Variants in GPM6A observed in about 807,000 individuals in gnomAD.
The protein encoded by GPM6A is glycoprotein M6A.
GPM6A carries 7 observed loss-of-function variants against 32.1 expected under a neutral mutation model. The observed-to-expected ratio is 0.22, with a 90% CI of 0.12 to 0.41. The LOEUF (loss-of-function observed/expected upper bound fraction) is 0.41. Ranked by LOEUF, GPM6A falls within the 10% of genes least tolerant of loss-of-function variation. The probability of loss-of-function intolerance (pLI) is 1.00; values close to 1 mark genes in which losing one functional copy is unlikely to be tolerated. For missense variants in GPM6A, 235 were observed against 347.2 expected (o/e 0.68, Z 2.57); for synonymous variants, 130 against 123.4 (o/e 1.05, Z -0.35).
At chr4:175,641,211 G>A (rs1473652800) in intron 4 of GPM6A, 5 of 186,050 alleles carry the variant, frequency 2.7e-5, no homozygotes, top group Non-Finnish European at 3.3e-5. Context: ...TTCAGCTGGT[G>A]CAGTGCTTCT....
At chr4:175,846,102 A>G (rs1736079266) in intron 1 of GPM6A, among the ~76,000 whole-genome samples, 1 of 152,086 alleles carries the variant, frequency 6.6e-6, no homozygotes, top group African/African-American at 2.4e-5. Context: ...ATGTGTCGTA[A>G]CATCGTGTCT....
chr4:175,635,674 C>T (rs895046525), intron 6 of GPM6A, among the ~76,000 whole-genome samples: 2 of 152,018 alleles, frequency 1.3e-5, no homozygotes, highest in African/African-American at 2.4e-5. Flanking sequence ...AAAGGAAGCT[C>T]CTGGTTTGTC....
intron 2 of GPM6A, among the ~76,000 whole-genome samples, chr4:175,674,323 A>G (rs1374341030): frequency 6.6e-6 from 1 of 152,088 alleles, no homozygotes; most frequent in African/African-American, 2.4e-5. Flanking sequence ...GATTACAGGC[A>G]TGTGTCACCA....
intron 1 of GPM6A, among the ~76,000 whole-genome samples, chr4:175,799,704 G>A (rs895051230): frequency 8.4e-5 from 9 of 106,774 alleles, no homozygotes; most frequent in African/African-American, 2.1e-4. Context: ...GTCTCGCTCT[G>A]TCGCCCAGGC....
chr4:175,753,590 C>T (rs1476208439), intron 1 of GPM6A, among the ~76,000 whole-genome samples: 1 of 152,114 alleles, frequency 6.6e-6, no homozygotes, highest in African/African-American at 2.4e-5. Context: ...ACCCTCCCTT[C>T]ACTACATGGG....
At chr4:175,986,935 C>G (rs563813342) in intron 1 of GPM6A, among the ~76,000 whole-genome samples, 2 of 152,286 alleles carry the variant, frequency 1.3e-5, no homozygotes, top group East Asian at 3.9e-4. Flanking sequence ...CATACTACTC[C>G]TCTGGCTAGA....
chr4:175,642,371 G>A (rs1387053833), intron 4 of GPM6A, among the ~76,000 whole-genome samples: 1 of 152,092 alleles, frequency 6.6e-6, no homozygotes, highest in African/African-American at 2.4e-5. Flanking sequence ...CTCAATTCAT[G>A]TTTTCAGCAA....
chr4:175,795,035 T>C (rs1381773002), intron 1 of GPM6A, among the ~76,000 whole-genome samples: 1 of 152,190 alleles, frequency 6.6e-6, no homozygotes, highest in Non-Finnish European at 1.5e-5. Flanking sequence ...AAATAGTCGA[T>C]TACATTACTG....
intron 1 of GPM6A, among the ~76,000 whole-genome samples, chr4:175,992,764 A>G (rs1228104655): frequency 6.6e-6 from 1 of 152,210 alleles, no homozygotes; most frequent in Non-Finnish European, 1.5e-5. Flanking sequence ...AATAAAATAC[A>G]AGAAAAATGA....
chr4:175,657,089 G>A (rs1466077541), intron 3 of GPM6A, among the ~76,000 whole-genome samples: 5 of 152,130 alleles, frequency 3.3e-5, no homozygotes, highest in Admixed American at 2.0e-4. Context: ...AGTTTGCTAA[G>A]TCTTAGCTCA....
At chr4:175,946,445 G>A (rs1739609223) in intron 1 of GPM6A, among the ~76,000 whole-genome samples, 1 of 152,148 alleles carries the variant, frequency 6.6e-6, no homozygotes, top group African/African-American at 2.4e-5. Flanking sequence ...ATTCTTCTAA[G>A]GGAGACAGAC....
chr4:175,924,156 C>T (rs900738039), intron 1 of GPM6A, among the ~76,000 whole-genome samples: 1 of 152,200 alleles, frequency 6.6e-6, no homozygotes, highest in South Asian at 2.1e-4. Flanking sequence ...TCTTATGCAA[C>T]AATTAGAGCT....
chr4:175,984,450 AC>A (rs1481193626), intron 1 of GPM6A, among the ~76,000 whole-genome samples: 2 of 152,184 alleles, frequency 1.3e-5, no homozygotes, highest in Admixed American at 6.5e-5. Flanking sequence ...GGCATGAGCC[AC>A]CGCGCCCAGC....
chr4:175,846,419 G>C (rs1323432063), intron 1 of GPM6A, among the ~76,000 whole-genome samples: 3 of 152,080 alleles, frequency 2.0e-5, no homozygotes, highest in Non-Finnish European at 4.4e-5. Context: ...TTCCCTGAAG[G>C]AGTTTATAGA....
intron 1 of GPM6A, among the ~76,000 whole-genome samples, chr4:175,965,898 C>T (rs1044263671): frequency 5.9e-5 from 9 of 152,084 alleles, no homozygotes; most frequent in Admixed American, 3.9e-4. Context: ...AGGCGTGAGC[C>T]ACCACGCCTG....
At chr4:175,664,940 C>T (rs900950339) in intron 3 of GPM6A, among the ~76,000 whole-genome samples, 38 of 152,080 alleles carry the variant, frequency 2.5e-4, no homozygotes, top group Admixed American at 3.3e-4. Flanking sequence ...GTTCTCAGGC[C>T]GTAAATCTAC....
chr4:175,765,295 AC>A (rs1227601852), intron 1 of GPM6A, among the ~76,000 whole-genome samples: 1 of 152,172 alleles, frequency 6.6e-6, no homozygotes, highest in Admixed American at 6.6e-5. Context: ...ATTGCACTAG[AC>A]CAAACCACCA....
At chr4:175,856,715 G>T (rs1034568943) in intron 1 of GPM6A, among the ~76,000 whole-genome samples, 3 of 152,190 alleles carry the variant, frequency 2.0e-5, no homozygotes, top group African/African-American at 7.2e-5. Flanking sequence ...GAAAGGGGAT[G>T]GAGTGGGAAG....
At chr4:175,648,162 AATAAG>A (rs1741582045) in intron 4 of GPM6A, among the ~76,000 whole-genome samples, 6 of 152,164 alleles carry the variant, frequency 3.9e-5, no homozygotes, top group Admixed American at 1.3e-4. Context: ...ATGAGATTGA[AATAAG>A]GTTTTTGACT....
Sources: allele counts gnomAD v4.1 joint callset (sites outside exome capture counted in the v4.1 genomes callset), GRCh38; gene constraint gnomAD v4.1.1; transcripts MANE v1.5; gene names NCBI Gene and HGNC (gene_info 2026-07-23, HGNC 2026-07-21).